SLCO1C1: variants seen among roughly 807,000 people sequenced by gnomAD.
SLCO1C1 encodes OAT-RP-5.
Under a neutral mutation model 76.4 loss-of-function variants are expected in SLCO1C1, and 70 were observed. The observed-to-expected ratio is 0.92, with a 90% CI of 0.76 to 1.12. SLCO1C1 has a LOEUF of 1.12. Among genes scored for constraint, SLCO1C1 ranks in the 50% most tolerant of loss-of-function variants. The pLI is 0.00. For synonymous variants in SLCO1C1, 306 were observed against 286.1 expected, an observed-to-expected ratio of 1.07 and a Z score of -0.70; for missense variants, 912 against 823.8, an observed-to-expected ratio of 1.11 and a Z score of -1.31.
At chr12:20,740,939 T>A (rs1028974139) in intron 12 of SLCO1C1, among the ~76,000 whole-genome samples, 1 of 151,340 alleles carries the variant, frequency 6.6e-6, no homozygotes, top group African/African-American at 2.4e-5. Context: ...TTCACACTGA[T>A]ATAAAGAAAT....
rs1948747067 is a variant in SLCO1C1 at position 20,740,361 on chromosome 12, CT to C, written c.1728del (p.Leu577Ter). ...AGGTGGCATACCTGGATACATATTA[CT>C]TCTGAGGTGAGTACTGATTCTCCCT... ...SLGGIPGYIL[L>X]LRCIKPQLKS... On this transcript the variant is annotated frameshift_variant, in exon 12 of 15. Transcript: ENST00000266509. LOFTEE classifies it high-confidence loss of function. 6.2e-7 allele frequency: 1 copy of C among 1,611,710 alleles called. No homozygotes were observed. The highest frequency in any genetic ancestry group is 8.5e-7 in the Non-Finnish European group (1 of 1,178,798).
chr12:20,724,588 C>T (rs1947869999), intron 9 of SLCO1C1, among the ~76,000 whole-genome samples: 1 of 148,090 alleles, frequency 6.8e-6, no homozygotes, highest in Admixed American at 6.8e-5. Flanking sequence ...ACTATATTAT[C>T]ATAGACCAGC....
At chr12:20,703,310 G>A (rs1946612557) in intron 3 of SLCO1C1, among the ~76,000 whole-genome samples, 1 of 151,780 alleles carries the variant, frequency 6.6e-6, no homozygotes. Context: ...AATTCTATTA[G>A]TTTTAATTGA....
chr12:20,752,543 G>A lies in SLCO1C1; in HGVS notation c.*15G>A. 6.5e-7 allele frequency: 1 copy of A among 1,544,150 alleles called. No homozygotes were observed. Among genetic ancestry groups the A allele is most frequent in the South Asian group, 1.2e-5 (1 of 82,528 alleles). On this transcript the variant is annotated 3_prime_UTR_variant, in exon 15 of 15. Transcript: ENST00000266509. ...CTCAACTTTAGAAACATGATGACTG[G>A]AAGTCATGTCTTCTAATTGGTTGAC...
chr12:20,734,226 C>T (rs118167796), intron 10 of SLCO1C1, among the ~76,000 whole-genome samples: 78 of 152,220 alleles, frequency 5.1e-4, no homozygotes, highest in Non-Finnish European at 9.9e-4. Flanking sequence ...GCTAAATGAG[C>T]GCCTGTTATA....
intron 4 of SLCO1C1, among the ~76,000 whole-genome samples, chr12:20,710,832 T>C (rs1355861025): frequency 6.6e-6 from 1 of 152,002 alleles, no homozygotes; most frequent in Non-Finnish European, 1.5e-5. Context: ...TCAGAAAAAA[T>C]CATGATTTTA....
intron 1 of SLCO1C1, among the ~76,000 whole-genome samples, chr12:20,699,168 T>A (rs1946402200): frequency 6.6e-6 from 1 of 152,088 alleles, no homozygotes; most frequent in South Asian, 2.1e-4. Context: ...AAAGACTTTA[T>A]CCTAATGAAT....
At chr12:20,722,683 T>A (rs1241752221) in intron 8 of SLCO1C1, among the ~76,000 whole-genome samples, 1 of 152,226 alleles carries the variant, frequency 6.6e-6, no homozygotes, top group Non-Finnish European at 1.5e-5. Context: ...CATATTTCTT[T>A]CTCTTTGACC....
In SLCO1C1 at chr12:20,736,151, G is replaced by GT. The variant is rs547563484; in HGVS notation, c.1383-956_1383-955insT. Among the ~76,000 whole-genome samples the GT allele has an allele frequency of 6.3e-3, 956 of 150,728 alleles. 9 individuals carry two copies. Among genetic ancestry groups the GT allele is most frequent in the African/African-American group, 0.022 (898 of 41,098 alleles). On this transcript the variant is annotated intron_variant, in intron 10 of 14. Coordinates refer to ENST00000266509, the MANE Select transcript of SLCO1C1 (RefSeq NM_017435.5). ...TGAGAAGAGTAGAGGAATATGAATA[G>GT]CAAAAAAAAGGATAAAAGCAGAAGG...
chr12:20,719,797 G>T (rs1342538674), intron 7 of SLCO1C1, among the ~76,000 whole-genome samples: 1 of 152,222 alleles, frequency 6.6e-6, no homozygotes, highest in Non-Finnish European at 1.5e-5. Context: ...AAAGTGCAAG[G>T]TGAAGCAGCC....
chr12:20,729,477 A>G (rs181689430), intron 9 of SLCO1C1, among the ~76,000 whole-genome samples: 28 of 152,196 alleles, frequency 1.8e-4, no homozygotes, highest in African/African-American at 6.7e-4. Context: ...GGTGCGATAC[A>G]TAAACTGAAA....
intron 1 of SLCO1C1, among the ~76,000 whole-genome samples, chr12:20,698,739 A>C (rs1257329230): frequency 2.0e-5 from 3 of 152,000 alleles, no homozygotes; most frequent in Non-Finnish European, 4.4e-5. Context: ...ATTGAGAAAT[A>C]CTTTGTTTGT....
intron 7 of SLCO1C1, among the ~76,000 whole-genome samples, chr12:20,720,161 TA>T (rs2120742037): frequency 6.6e-6 from 1 of 152,310 alleles, no homozygotes; most frequent in South Asian, 2.1e-4. Flanking sequence ...GTTTACTAAC[TA>T]TTTGAAGCCC....
At chr12:20,743,174 C>A in intron 12 of SLCO1C1, 131 bp from the exon 13 acceptor site, 1 of 774,690 alleles carries the variant, frequency 1.3e-6, no homozygotes, top group Non-Finnish European at 2.1e-6. Context: ...TGTTAGCACA[C>A]CAATGGGTTC....
intron 9 of SLCO1C1, among the ~76,000 whole-genome samples, chr12:20,726,738 T>C (rs1948021920): frequency 6.6e-6 from 1 of 152,152 alleles, no homozygotes; most frequent in South Asian, 2.1e-4. Context: ...GGAGTATGTG[T>C]ACAGTGCAGG....
intron 7 of SLCO1C1, among the ~76,000 whole-genome samples, chr12:20,719,404 T>G (rs1011001442): frequency 2.0e-5 from 3 of 152,044 alleles, no homozygotes; most frequent in Non-Finnish European, 4.4e-5. Context: ...ATCTCTCACT[T>G]TAAAAGGAAA....
At chr12:20,711,877 G>A (rs1947125235) in intron 5 of SLCO1C1, among the ~76,000 whole-genome samples, 1 of 152,176 alleles carries the variant, frequency 6.6e-6, no homozygotes, top group South Asian at 2.1e-4. Flanking sequence ...CTTAATTTCT[G>A]TGTTCAGCTA....
chr12:20,741,648 G>A (rs1515765), intron 12 of SLCO1C1, among the ~76,000 whole-genome samples: 66,226 of 151,806 alleles, frequency 0.44, 17,157 homozygotes, highest in South Asian at 0.63. Flanking sequence ...ATTTGTGCTC[G>A]AATTTTTTTT....
intron 1 of SLCO1C1, among the ~76,000 whole-genome samples, chr12:20,696,107 GTTGTT>G (rs1946252530): frequency 6.6e-6 from 1 of 152,048 alleles, no homozygotes; most frequent in Non-Finnish European, 1.5e-5. Context: ...CGTTTGTTGG[GTTGTT>G]TTAAGGATTA....
Sources: gnomAD v4.1 joint callset for allele counts (sites outside exome capture counted in the v4.1 genomes callset) on GRCh38, gnomAD v4.1.1 for gene constraint, MANE v1.5 for transcripts, NCBI Gene and HGNC (gene_info 2026-07-23, HGNC 2026-07-21) for gene names.